TLN2: variants seen among roughly 807,000 people sequenced by gnomAD.
TLN2 encodes talin-2.
TLN2 carries 118 observed loss-of-function variants against 294.7 expected under a neutral mutation model. The ratio of observed to expected loss-of-function variants is 0.40; its 90% CI spans 0.34 to 0.47. The LOEUF (loss-of-function observed/expected upper bound fraction) is 0.47, where lower values mean the gene tolerates loss of function less well. Among genes scored for constraint, TLN2 ranks in the 20% least tolerant of loss-of-function variants. The pLI is 0.84. For synonymous variants in TLN2, 1,431 were observed against 1,304.5 expected, an observed-to-expected ratio of 1.10 and a Z score of -2.09; for missense variants, 3,083 against 3,282.2, an observed-to-expected ratio of 0.94 and a Z score of 1.48.
intron 1 of TLN2, among the ~76,000 whole-genome samples, chr15:62,495,268 G>A (rs1048523464): frequency 6.6e-6 from 1 of 152,192 alleles, no homozygotes; most frequent in Non-Finnish European, 1.5e-5. Context: ...GATACATGTG[G>A]TAGGAATTGT....
chr15:62,471,539 C>T (rs1340581043), intron 1 of TLN2, among the ~76,000 whole-genome samples: 1 of 152,176 alleles, frequency 6.6e-6, no homozygotes, highest in Non-Finnish European at 1.5e-5. Flanking sequence ...ATGGCCCTTA[C>T]AGGGAAGTCC....
chr15:62,810,191 C>T (rs2066582944), intron 52 of TLN2, among the ~76,000 whole-genome samples, 159 bp downstream of exon 52: 1 of 152,192 alleles, frequency 6.6e-6, no homozygotes, highest in Admixed American at 6.5e-5. Context: ...CCCTGATGCA[C>T]TGATCCGGCA....
chr15:62,594,281 C>A (rs1229007183), intron 2 of TLN2, among the ~76,000 whole-genome samples: 1 of 152,196 alleles, frequency 6.6e-6, no homozygotes, highest in Non-Finnish European at 1.5e-5. Flanking sequence ...AGTCCTGACT[C>A]ACTGCAGCCT....
chr15:62,807,475 C>T (rs1194499328), intron 51 of TLN2, among the ~76,000 whole-genome samples: 1 of 151,360 alleles, frequency 6.6e-6, no homozygotes, highest in Non-Finnish European at 1.5e-5. Flanking sequence ...GTTTCTGCTA[C>T]TCAGGGCCTC....
chr15:62,499,945 C>G (rs2039219163), intron 1 of TLN2, among the ~76,000 whole-genome samples: 1 of 147,608 alleles, frequency 6.8e-6, no homozygotes, highest in Non-Finnish European at 1.5e-5. Context: ...AAGAAACAAA[C>G]AAACAAACAA....
chr15:62,609,579 G>T (rs1385683198), intron 2 of TLN2, among the ~76,000 whole-genome samples: 1 of 152,188 alleles, frequency 6.6e-6, no homozygotes, highest in Non-Finnish European at 1.5e-5. Flanking sequence ...GTTGAGGTTT[G>T]TGTCTTTCCA....
At chr15:62,522,836 AACTTTG>A (rs1212117090) in intron 1 of TLN2, among the ~76,000 whole-genome samples, 2 of 152,054 alleles carry the variant, frequency 1.3e-5, no homozygotes, top group Non-Finnish European at 2.9e-5. Flanking sequence ...ATGTGCAGTT[AACTTTG>A]ACTTTGACAA....
intron 2 of TLN2, among the ~76,000 whole-genome samples, chr15:62,600,796 T>C (rs1596307127): frequency 6.6e-6 from 1 of 152,240 alleles, no homozygotes; most frequent in African/African-American, 2.4e-5. Context: ...CCCATTATTT[T>C]GAAGCACCTC....
intron 54 of TLN2, among the ~76,000 whole-genome samples, chr15:62,823,666 A>G (rs186927307): frequency 1.4e-4 from 22 of 152,282 alleles, no homozygotes; most frequent in African/African-American, 2.9e-4. Flanking sequence ...GTCTTTGATG[A>G]TGATTCTGGT....
chr15:62,761,484 C>A (rs1055070285), intron 37 of TLN2, among the ~76,000 whole-genome samples, 197 bp from the exon 38 acceptor site: 3 of 152,140 alleles, frequency 2.0e-5, no homozygotes, highest in Admixed American at 6.5e-5. Context: ...ACATTTAATT[C>A]TCCACAACAT....
At chr15:62,758,564 C>A (rs1291709216) in intron 37 of TLN2, 1 of 152,242 alleles carries the variant, frequency 6.6e-6, no homozygotes, top group Non-Finnish European at 1.5e-5. Context: ...TTGCCCCTCA[C>A]AGCAGAGTTA....
intron 1 of TLN2, among the ~76,000 whole-genome samples, chr15:62,524,485 G>A (rs1355744630): frequency 6.6e-6 from 1 of 152,174 alleles, no homozygotes; most frequent in African/African-American, 2.4e-5. Flanking sequence ...AAGCAAGCGA[G>A]ACTGTGTCCC....
intron 41 of TLN2, among the ~76,000 whole-genome samples, 168 bp from the exon 42 acceptor site, chr15:62,770,796 A>G (rs1215944964): frequency 3.9e-5 from 6 of 152,200 alleles, no homozygotes; most frequent in Admixed American, 3.3e-4. Flanking sequence ...AAAACCAAGA[A>G]AGAGTCCATT....
chr15:62,583,510 T>TC, intron 1 of TLN2, among the ~76,000 whole-genome samples: 1 of 152,108 alleles, frequency 6.6e-6, no homozygotes, highest in South Asian at 2.1e-4. Flanking sequence ...TTTTGTTTTT[T>TC]TTTGGATTAC....
chr15:62,750,999 A>G (rs1433656158), intron 34 of TLN2, among the ~76,000 whole-genome samples: 1 of 150,968 alleles, frequency 6.6e-6, no homozygotes, highest in Non-Finnish European at 1.5e-5. Context: ...TTGTTTTGGT[A>G]GGACATTGGA....
chr15:62,424,169 A>G (rs1035596643), intron 1 of TLN2, among the ~76,000 whole-genome samples: 4 of 152,130 alleles, frequency 2.6e-5, no homozygotes, highest in Admixed American at 2.6e-4. Flanking sequence ...GGTGGGATTG[A>G]GACATTGCAT....
At chr15:62,813,635 C>T (rs371227834) in intron 52 of TLN2, among the ~76,000 whole-genome samples, 3 of 151,988 alleles carry the variant, frequency 2.0e-5, no homozygotes, top group Admixed American at 6.6e-5. Context: ...ATTAGGATCA[C>T]GGTAATGCTA....
intron 50 of TLN2, among the ~76,000 whole-genome samples, chr15:62,803,704 C>T (rs536532577): frequency 1.2e-4 from 19 of 152,138 alleles, no homozygotes; most frequent in Non-Finnish European, 2.4e-4. Flanking sequence ...GATTCTGATT[C>T]CCTCTTTGTG....
At chr15:62,407,923 AAAATAAATAAAT>A (rs10626679) in intron 1 of TLN2, among the ~76,000 whole-genome samples, 77,142 of 148,498 alleles carry the variant, frequency 0.52, 21,239 homozygotes, top group East Asian at 0.81. Flanking sequence ...ACTCTGTCTC[AAAATAAATAAAT>A]AAATAAATAA....
Sources: gnomAD v4.1 joint callset for allele counts (sites outside exome capture counted in the v4.1 genomes callset) on GRCh38, gnomAD v4.1.1 for gene constraint, MANE v1.5 for transcripts, NCBI Gene and HGNC (gene_info 2026-07-23, HGNC 2026-07-21) for gene names.